The following EPB41L4A variants were observed in gnomAD, a reference collection of about 807,000 sequenced individuals.
The protein encoded by EPB41L4A is erythrocyte membrane protein band 4.1 like 4A, also known as band 4.1-like protein 4A.
Under a neutral mutation model 108.6 loss-of-function variants are expected in EPB41L4A, and 100 were observed. The observed-to-expected ratio is 0.92, with a 90% CI of 0.78 to 1.09. The LOEUF (loss-of-function observed/expected upper bound fraction) is 1.09. Among genes scored for constraint, EPB41L4A ranks in the 50% least tolerant of loss-of-function variants. The probability of loss-of-function intolerance (pLI) is 0.00; values close to 1 mark genes in which losing one functional copy is unlikely to be tolerated. For missense variants in EPB41L4A, 1,030 were observed against 842.7 expected, an observed-to-expected ratio of 1.22 and a Z score of -2.75; for synonymous variants, 319 against 289.0, an observed-to-expected ratio of 1.10 and a Z score of -1.05.
At position 112,264,994 on chromosome 5, in the gene EPB41L4A, T is replaced by C. The variant is rs763053798; in HGVS notation, c.456A>G (p.Pro152=). Residue 152 remains proline, a synonymous_variant, in exon 6 of 23, where the codon CCA becomes CCG. Transcript: ENST00000261486. ...ATACATATCCTGCAGTATGTTTATA[T>C]GGGTCATAATCTCCAAGCTCCGCTA... ...AIQSELGDYD[P]YKHTAGYVSE... 2 of 1,604,098 alleles carry C rather than the reference T, an allele frequency of 1.2e-6. No individual in the cohort carries two copies. Among genetic ancestry groups the C allele is most frequent in the South Asian group, 1.1e-5 (1 of 88,306 alleles).
intron 1 of EPB41L4A, among the ~76,000 whole-genome samples, chr5:112,368,983 G>T (rs576365934): frequency 6.6e-6 from 1 of 152,246 alleles, no homozygotes; most frequent in South Asian, 2.1e-4. Flanking sequence ...GCAGAAAGTT[G>T]TATCTCCTTC....
In EPB41L4A at chr5:112,358,089, G is replaced by A. The variant is rs192306433; in HGVS notation, c.100-50599C>T. Among the ~76,000 whole-genome samples the A allele has an allele frequency of 1.7e-3, 256 of 152,342 alleles. 1 individual carries two copies. The highest frequency in any genetic ancestry group is 5.6e-3 in the African/African-American group (234 of 41,580). ...GACCTGGCCTTTGCCAACAATGAGT[G>A]CCTGATCTCCCAACAGCAGAAGCCA... On this transcript the variant is annotated intron_variant, in intron 1 of 22. Transcript: ENST00000261486.
intron 1 of EPB41L4A, among the ~76,000 whole-genome samples, chr5:112,378,820 A>G (rs17134430): frequency 0.032 from 4,802 of 152,288 alleles, 261 homozygotes; most frequent in African/African-American, 0.11. Context: ...AGGAGGAAAC[A>G]TGGGCTGTTT....
intron 1 of EPB41L4A, among the ~76,000 whole-genome samples, chr5:112,370,091 CACAGCTCA>C (rs139110318): frequency 0.033 from 5,036 of 152,204 alleles, 290 homozygotes; most frequent in African/African-American, 0.12. Flanking sequence ...GTGGCACAAA[CACAGCTCA>C]CTGCAGCCTC....
upstream of EPB41L4A, chr5:112,419,880 C>T (rs973456273): frequency 4.4e-6 from 2 of 456,784 alleles, no homozygotes; most frequent in African/African-American, 4.0e-5. Context: ...ATGCCTGCCG[C>T]GGCGGCGGAA....
At chr5:112,156,988 T>C (rs531305770) in intron 12 of EPB41L4A, among the ~76,000 whole-genome samples, 13 of 152,110 alleles carry the variant, frequency 8.5e-5, no homozygotes, top group Admixed American at 1.3e-4. Flanking sequence ...GATCATGGTG[T>C]CTGCGTGGTG....
At chr5:112,157,148 GAA>G (rs201797065) in intron 12 of EPB41L4A, among the ~76,000 whole-genome samples, 1 of 137,300 alleles carries the variant, frequency 7.3e-6, no homozygotes, top group Admixed American at 7.3e-5. Context: ...CATGCAAAAA[GAA>G]AAAAAAAAAA....
intron 1 of EPB41L4A, among the ~76,000 whole-genome samples, chr5:112,365,596 T>C (rs1018252811): frequency 2.6e-5 from 4 of 152,236 alleles, no homozygotes; most frequent in Non-Finnish European, 5.9e-5. Flanking sequence ...CACATTACCA[T>C]GGTACGTTTG....
At chr5:112,341,597 C>T (rs1757320943) in intron 1 of EPB41L4A, among the ~76,000 whole-genome samples, 1 of 152,014 alleles carries the variant, frequency 6.6e-6, no homozygotes, top group Admixed American at 6.6e-5. Flanking sequence ...TCCAACAATC[C>T]CAAAAGAAAG....
intron 18 of EPB41L4A, among the ~76,000 whole-genome samples, chr5:112,181,900 C>T (rs572274143): frequency 1.3e-5 from 2 of 151,968 alleles, no homozygotes; most frequent in South Asian, 2.1e-4. Context: ...TGGTGAAACC[C>T]CATCTCTACT....
rs115401966 is a variant in EPB41L4A, at chr5:112,386,556, T to C, written c.99+32385A>G. Among the ~76,000 whole-genome samples the C allele has an allele frequency of 5.1e-3, 774 of 152,316 alleles. 2 individuals carry two copies. The highest frequency in any genetic ancestry group is 0.018 in the African/African-American group (738 of 41,552). ...TTCAGTTTGTTTTAATTCAAAATAT[T>C]ATTGGATGTAACCGTCAGGCTCTGA... On this transcript the variant is annotated intron_variant, in intron 1 of 22. Transcript: ENST00000261486.
intron 1 of EPB41L4A, among the ~76,000 whole-genome samples, chr5:112,311,703 C>A (rs921063367): frequency 2.0e-5 from 3 of 152,216 alleles, no homozygotes; most frequent in African/African-American, 4.8e-5. Context: ...GTGAGTGAGA[C>A]TCTGTCTCTT....
chr5:112,394,467 T>C (rs111558228), intron 1 of EPB41L4A, among the ~76,000 whole-genome samples: 21,381 of 151,970 alleles, frequency 0.14, 4,214 homozygotes, highest in African/African-American at 0.44. Context: ...GAGAGCCAAA[T>C]CATGAGTGCA....
chr5:112,325,271 C>G (rs1178564133), intron 1 of EPB41L4A, among the ~76,000 whole-genome samples: 1 of 152,116 alleles, frequency 6.6e-6, no homozygotes, highest in African/African-American at 2.4e-5. Context: ...GAAACCCTGT[C>G]TCTACTAAAA....
intron 2 of EPB41L4A, among the ~76,000 whole-genome samples, chr5:112,284,957 C>G (rs1193771784): frequency 6.6e-6 from 1 of 152,172 alleles, no homozygotes; most frequent in East Asian, 1.9e-4. Context: ...TTCTGAAACT[C>G]TAATAGTGCC....
In EPB41L4A at chr5:112,259,008, G is replaced by A. The variant is rs7713829; in HGVS notation, c.795+221C>T. Among the ~76,000 whole-genome samples, 15,348 of 152,124 alleles carry A rather than the reference G, an allele frequency of 0.1. 832 individuals carry two copies. The highest frequency in any genetic ancestry group is 0.17 in the East Asian group (865 of 5,154). On this transcript the variant is annotated intron_variant, in intron 9 of 22. Transcript: ENST00000261486. Reference sequence around the variant, plus strand: ...CTCTCCTCTGCCTTAGAAAGGTTTTGCTTTCCTTTGCTAAATCTAAAATGC... The same window carrying A: ...CTCTCCTCTGCCTTAGAAAGGTTTTACTTTCCTTTGCTAAATCTAAAATGC...
chr5:112,322,427 C>T (rs1755841979), intron 1 of EPB41L4A, among the ~76,000 whole-genome samples: 1 of 152,140 alleles, frequency 6.6e-6, no homozygotes. Context: ...CTAAGGAGAG[C>T]ACTCTCAAAT....
At chr5:112,160,099 C>CG (rs1353625833), downstream of EPB41L4A, among the ~76,000 whole-genome samples, 1 of 151,322 alleles carries the variant, frequency 6.6e-6, no homozygotes, top group East Asian at 1.9e-4. Flanking sequence ...TTAGTAGAGA[C>CG]GGGGTTTTGC....
chr5:112,222,240 A>G, intron 12 of EPB41L4A, among the ~76,000 whole-genome samples: 1 of 152,244 alleles, frequency 6.6e-6, no homozygotes, highest in East Asian at 1.9e-4. Context: ...GGGAAAAAAC[A>G]GAAGTTGTAT....
Sources: gnomAD v4.1 joint callset for allele counts (sites outside exome capture counted in the v4.1 genomes callset) on GRCh38, gnomAD v4.1.1 for gene constraint, MANE v1.5 for transcripts, NCBI Gene and HGNC (gene_info 2026-07-23, HGNC 2026-07-21) for gene names.